The following TAMM41 variants were observed in gnomAD, a reference collection of about 807,000 sequenced individuals.
TAMM41 encodes the protein TAM41 mitochondrial translocator assembly and maintenance homolog.
TAMM41 carries 36 observed loss-of-function variants against 44.1 expected under a neutral mutation model. The observed-to-expected ratio is 0.82, with a 90% CI of 0.63 to 1.08. TAMM41 has a LOEUF of 1.08. TAMM41 is among the 50% of genes least tolerant of loss of function. TAMM41 has a pLI of 0.00. For missense variants in TAMM41, 417 were observed against 404.3 expected (o/e 1.03, Z -0.27); for synonymous variants, 164 against 153.1 (o/e 1.07, Z -0.53).
At chr3:11,783,215 G>A in the TAMM41 span, among the ~76,000 whole-genome samples, 1 of 152,176 alleles carries the variant, frequency 6.6e-6, no homozygotes, top group African/African-American at 2.4e-5. Context: ...ATCAGTGCTG[G>A]GCTTTCTTGC....
At chr3:11,820,211 T>C (rs905297555) in intron 4 of TAMM41, among the ~76,000 whole-genome samples, 2 of 152,200 alleles carry the variant, frequency 1.3e-5, no homozygotes, top group South Asian at 4.1e-4. Flanking sequence ...TTTGAAGAGA[T>C]GAAATGTCAT....
At chr3:11,826,683 A>G (rs1270362003) in intron 4 of TAMM41, 1 of 121,520 alleles carries the variant, frequency 8.2e-6, no homozygotes, top group Non-Finnish European at 1.7e-5. Flanking sequence ...AAATAATGAA[A>G]AACAAATAAA....
rs550775270 is a variant in TAMM41, at chr3:11,837,219, G to A, written c.411+2003C>T. 3.5e-3 allele frequency among the ~76,000 whole-genome samples: 532 copies of A among 152,286 alleles called. 1 individual carries two copies. Among genetic ancestry groups the A allele is most frequent in the Non-Finnish European group, 5.6e-3 (379 of 68,026 alleles). On this transcript the variant is annotated intron_variant, in intron 3 of 7. Transcript: ENST00000455809. ...ATTTTTCCCATAGATAGCTACAGAA[G>A]CAGCACATCACTGTTGGGGGAGACA...
In TAMM41 at chr3:11,815,930, A is replaced by C. The variant is rs147101781; in HGVS notation, c.708+1262T>G. ...AGCACGGAACTGCTCTTTTTGTTAT[A>C]AACTTGAGGTATCATTTGGCTTTTA... is the stretch of plus-strand genomic sequence containing the variant. On this transcript the variant is annotated intron_variant, in intron 5 of 7. Transcript: ENST00000455809. Among the ~76,000 whole-genome samples, 404 of 152,332 alleles carry C rather than the reference A, an allele frequency of 2.7e-3. 2 individuals carry two copies. Among genetic ancestry groups the C allele is most frequent in the African/African-American group, 9.3e-3 (385 of 41,578 alleles).
chr3:11,751,089 C>CTTTT, the TAMM41 span, among the ~76,000 whole-genome samples: 140 of 130,248 alleles, frequency 1.1e-3, 1 homozygote, highest in East Asian at 8.8e-3. Context: ...ACAGATGATA[C>CTTTT]TTTTTTTTTT....
In TAMM41 at chr3:11,796,932, C is replaced by T. The variant is rs550595006; in HGVS notation, c.938-6351G>A. Reference sequence around the variant, plus strand: ...ACAACTGCCATAAAAAGGAATACATCTAACCAGGGAGGTGAAAGATCTCTA... The same window carrying T: ...ACAACTGCCATAAAAAGGAATACATTTAACCAGGGAGGTGAAAGATCTCTA... On this transcript the variant is annotated intron_variant, in intron 7 of 7. Coordinates refer to ENST00000455809, the MANE Select transcript of TAMM41 (RefSeq NM_001284401.2). 1.4e-4 allele frequency among the ~76,000 whole-genome samples: 22 copies of T among 152,220 alleles called. 1 individual carries two copies. In the Middle Eastern group the frequency reaches 0.024, roughly 165 times the overall value.
chr3:11,846,283 T>TC (rs750701290), intron 1 of TAMM41, among the ~76,000 whole-genome samples: 19 of 152,250 alleles, frequency 1.2e-4, no homozygotes, highest in Non-Finnish European at 2.5e-4. Flanking sequence ...TAACTGCTTC[T>TC]CCTGCTCTAG....
chr3:11,773,994 C>G, the TAMM41 span, among the ~76,000 whole-genome samples: 1 of 152,096 alleles, frequency 6.6e-6, no homozygotes, highest in Non-Finnish European at 1.5e-5. Flanking sequence ...GAGGCTGAGG[C>G]AGGAGAATCA....
the TAMM41 span, among the ~76,000 whole-genome samples, chr3:11,775,004 G>A: frequency 6.6e-6 from 1 of 151,704 alleles, no homozygotes; most frequent in Non-Finnish European, 1.5e-5. Context: ...TGAGTAGCTG[G>A]GATTACAGGC....
chr3:11,846,463 G>A, intron 1 of TAMM41, 39 bp downstream of exon 1: 2 of 1,613,214 alleles, frequency 1.2e-6, no homozygotes, highest in Admixed American at 3.3e-5. Context: ...GGACTCGTGA[G>A]AACAGACAGT....
At chr3:11,841,736 C>T (rs927992296) in intron 2 of TAMM41, among the ~76,000 whole-genome samples, 1 of 152,180 alleles carries the variant, frequency 6.6e-6, no homozygotes, top group Non-Finnish European at 1.5e-5. Flanking sequence ...CTTTTCCCCC[C>T]AACTCCAGCA....
intron 4 of TAMM41, among the ~76,000 whole-genome samples, chr3:11,820,818 C>T (rs557595802): frequency 6.6e-6 from 1 of 152,328 alleles, no homozygotes; most frequent in South Asian, 2.1e-4. Flanking sequence ...GTACAATAGG[C>T]ATCCAAAAGG....
the TAMM41 span, among the ~76,000 whole-genome samples, chr3:11,746,301 C>CAA: frequency 0.1 from 11,522 of 115,564 alleles, 647 homozygotes; most frequent in East Asian, 0.18. Flanking sequence ...GAGACTCTCT[C>CAA]AAAAAAAAAA....
the TAMM41 span, among the ~76,000 whole-genome samples, chr3:11,742,352 T>C: frequency 1.3e-5 from 2 of 150,480 alleles, no homozygotes; most frequent in Middle Eastern, 3.4e-3. Context: ...TGCAACCTTA[T>C]AGGACTGGCT....
At chr3:11,817,163 A>G (rs1164634589) in intron 5 of TAMM41, 29 bp downstream of exon 5, 1 of 1,595,252 alleles carries the variant, frequency 6.3e-7, no homozygotes, top group Admixed American at 1.7e-5. Context: ...TCTTAGAAAC[A>G]ATACAAGCTA....
At chr3:11,800,473 T>C (rs763784356) in intron 7 of TAMM41, among the ~76,000 whole-genome samples, 4 of 150,838 alleles carry the variant, frequency 2.7e-5, no homozygotes, top group Non-Finnish European at 5.9e-5. Context: ...TGGAAAAAGA[T>C]ATTCCATCCA....
At chr3:11,774,252 A>G in the TAMM41 span, among the ~76,000 whole-genome samples, 1 of 152,234 alleles carries the variant, frequency 6.6e-6, no homozygotes, top group African/African-American at 2.4e-5. Context: ...CTTCCTGGAT[A>G]AAACAGAGCC....
intron 4 of TAMM41, among the ~76,000 whole-genome samples, chr3:11,821,775 A>C (rs1208965556): frequency 1.3e-5 from 2 of 152,206 alleles, no homozygotes; most frequent in East Asian, 3.8e-4. Flanking sequence ...ATTTCAGTTC[A>C]GTGAATATCT....
chr3:11,759,711 C>T, the TAMM41 span, among the ~76,000 whole-genome samples: 7 of 152,136 alleles, frequency 4.6e-5, no homozygotes, highest in Non-Finnish European at 8.8e-5. Context: ...TGGTGGCTCA[C>T]GCCTGTAATT....
Sources: gnomAD v4.1 joint callset for allele counts (sites outside exome capture counted in the v4.1 genomes callset) on GRCh38, gnomAD v4.1.1 for gene constraint, MANE v1.5 for transcripts, NCBI Gene and HGNC (gene_info 2026-07-23, HGNC 2026-07-21) for gene names.